The following PYGL variants were observed in gnomAD, a reference collection of about 807,000 sequenced individuals.
The protein encoded by PYGL is glycogen phosphorylase, liver form.
In PYGL, 90 loss-of-function variants were observed where a neutral mutation model predicts 100.1. The ratio of observed to expected loss-of-function variants is 0.90; its 90% CI spans 0.76 to 1.07. PYGL has a LOEUF of 1.07. Ranked by LOEUF, PYGL falls within the 50% of genes least tolerant of loss-of-function variation. The pLI is 0.00. For missense variants in PYGL, 1,016 were observed against 1,057.6 expected (o/e 0.96, Z 0.55); for synonymous variants, 373 against 393.0 (o/e 0.95, Z 0.60).
rs139224648 is a variant in PYGL, at chr14:50,910,896, T to C, written c.1970-794A>G. Among the ~76,000 whole-genome samples, 350 of 152,364 alleles carry C rather than the reference T, an allele frequency of 2.3e-3. 3 individuals are homozygous for C. The highest frequency in any genetic ancestry group is 7.9e-3 in the African/African-American group (329 of 41,580). On this transcript the variant is annotated intron_variant, in intron 16 of 19. Coordinates refer to ENST00000216392, the MANE Select transcript of PYGL (RefSeq NM_002863.5). ...CGCAAATTAGAGCTGCCTGAAGCAC[T>C]TCCTTTGACTACAAAGGTCAGGACC...
intron 5 of PYGL, 187 bp downstream of exon 5, chr14:50,923,782 T>A: frequency 1.6e-6 from 1 of 609,532 alleles, no homozygotes; most frequent in East Asian, 4.1e-5. Context: ...TGGCCTCAGC[T>A]CCTTTGTCTC....
At chr14:50,913,892 G>T (rs949804481) in intron 12 of PYGL, among the ~76,000 whole-genome samples, 2 of 151,898 alleles carry the variant, frequency 1.3e-5, no homozygotes, top group Non-Finnish European at 2.9e-5. Context: ...GTGGTGGTGG[G>T]GGTGGGTCTC....
At chr14:50,921,430 G>C (rs2050501435) in intron 5 of PYGL, 1 of 212,776 alleles carries the variant, frequency 4.7e-6, no homozygotes, top group South Asian at 7.0e-5. Context: ...GTCTCACTCT[G>C]TTGCCCAGGC....
chr14:50,913,724 C>T (rs1021852135), intron 12 of PYGL, among the ~76,000 whole-genome samples: 3 of 152,110 alleles, frequency 2.0e-5, no homozygotes, highest in African/African-American at 7.2e-5. Flanking sequence ...GGATCTCACC[C>T]TGTCACCCAG....
rs752372810 is a variant in PYGL, at chr14:50,944,355, G to A, written c.49C>T (p.Arg17Cys). The A allele has an allele frequency of 8.1e-6, 13 of 1,613,602 alleles. No individual in the cohort carries two copies. Among genetic ancestry groups the A allele is most frequent in the Non-Finnish European group, 1.1e-5 (13 of 1,179,854 alleles). ...DQEKRRQISI[R>C]GIVGVENVAE... ...ACGTTCTCCACGCCCACGATGCCGCGGATGCTGATCTGCCGCCGCTTCTCC... is the reference window on the plus strand; with the variant it reads ...ACGTTCTCCACGCCCACGATGCCGCAGATGCTGATCTGCCGCCGCTTCTCC... The change falls in exon 1 of 20, where the codon CGC (arginine) becomes TGC (cysteine). Residue 17 changes from arginine (R) to cysteine (C), a missense_variant. Arg to Cys is a radical substitution (Grantham distance 180). Transcript: ENST00000216392.
In PYGL at chr14:50,908,918, G is replaced by T. The variant is rs766875279; in HGVS notation, c.2215C>A (p.Leu739Met). ...AKEYYEALPE[L>M]KLVIDQIDNG... ...TCAATTTGATCAATGACCAGCTTCA[G>T]CTCTGGAAGTGCCTCATAGTATTCT... Residue 739 changes from leucine (L) to methionine (M), a missense_variant, in exon 18 of 20, where the codon CTG (leucine) becomes ATG (methionine). Coordinates refer to ENST00000216392, the MANE Select transcript of PYGL (RefSeq NM_002863.5). 58 of 1,602,298 alleles carry T rather than the reference G, an allele frequency of 3.6e-5. No individual in the cohort carries two copies. Among genetic ancestry groups the T allele is most frequent in the Non-Finnish European group, 4.3e-5 (50 of 1,169,840 alleles).
Position 50,905,425 on chromosome 14 carries a change from T to C in PYGL, c.2511A>G (p.Leu837=), listed in dbSNP as rs1245533269. The C allele has an allele frequency of 6.2e-7, 1 of 1,613,700 alleles. No homozygotes were observed. Among genetic ancestry groups the C allele is most frequent in the Admixed American group, 1.7e-5 (1 of 60,032 alleles). The change falls in exon 20 of 20, where the codon CTA becomes CTG. Residue 837 remains leucine, a synonymous_variant. Transcript: ENST00000216392. ...CATTGACTTTGTTAGATTCATTGGA[T>C]AGAGAAATCTTTAGATCTGAAGGTT... ...NVEPSDLKIS[L]SNESNKVNGN
chr14:50,906,216 C>G (rs1017171021), intron 19 of PYGL, among the ~76,000 whole-genome samples: 1 of 152,054 alleles, frequency 6.6e-6, no homozygotes, highest in Non-Finnish European at 1.5e-5. Context: ...ATTTTATAGC[C>G]TCTTAATTTT....
chr14:50,931,577 C>A (rs2050600953), intron 4 of PYGL, 96 bp downstream of exon 4: 3 of 1,133,390 alleles, frequency 2.6e-6, no homozygotes, highest in Admixed American at 3.7e-5. Context: ...GAAATTAGTA[C>A]AGCTCTATGT....
intron 4 of PYGL, among the ~76,000 whole-genome samples, chr14:50,924,483 A>G (rs1184570801): frequency 6.6e-6 from 1 of 152,190 alleles, no homozygotes; most frequent in African/African-American, 2.4e-5. Flanking sequence ...CTAAAGACAG[A>G]CGCCTTACAG....
chr14:50,933,391 T>C (rs994628368), intron 3 of PYGL, among the ~76,000 whole-genome samples: 2 of 152,228 alleles, frequency 1.3e-5, no homozygotes, highest in African/African-American at 2.4e-5. Flanking sequence ...GTGACTAATG[T>C]ACTAAGGATG....
chr14:50,919,013 A>G lies in PYGL; in HGVS notation c.855+1528T>C, dbSNP rs1236426273. Among the ~76,000 whole-genome samples, 12 of 152,082 alleles carry G rather than the reference A, an allele frequency of 7.9e-5. 2 individuals carry two copies. The highest frequency in any genetic ancestry group is 1.8e-4 in the Non-Finnish European group (12 of 68,024). ...GTTATTGTAATTACAGTATAAAAGG[A>G]TTTTTCAGCTTACTCTTAAAAACAA... is the stretch of plus-strand genomic sequence containing the variant. On this transcript the variant is annotated intron_variant, in intron 7 of 19. Transcript: ENST00000216392.
At position 50,908,930 on chromosome 14, in the gene PYGL, C is replaced by CTGAA. The variant is rs1355711390; in HGVS notation, c.2202_2203insTTCA (p.Ala735PhefsTer11). On this transcript the variant is annotated frameshift_variant, in exon 18 of 20. Coordinates refer to ENST00000216392, the MANE Select transcript of PYGL (RefSeq NM_002863.5). LOFTEE classifies it high-confidence loss of function. ...ATGACCAGCTTCAGCTCTGGAAGTG[C>CTGAA]CTCATAGTATTCTTTTGCCTCGTAC... is the stretch of plus-strand genomic sequence containing the variant. The CTGAA allele has an allele frequency of 5.0e-6, 8 of 1,606,246 alleles. No homozygotes were observed. Among genetic ancestry groups the CTGAA allele is most frequent in the Non-Finnish European group, 6.0e-6 (7 of 1,173,372 alleles).
Position 50,935,141 on chromosome 14 carries a change from A to G in PYGL, c.390T>C (p.Ala130=), listed in dbSNP as rs1318897871. The G allele has an allele frequency of 6.8e-6, 11 of 1,612,912 alleles. No homozygotes were observed. The highest frequency in any genetic ancestry group is 1.7e-5 in the Admixed American group (1 of 59,998). Residue 130 remains alanine (A), a synonymous_variant, in exon 3 of 20, where the codon GCT becomes GCC. Coordinates refer to ENST00000216392, the MANE Select transcript of PYGL (RefSeq NM_002863.5). ...IEELEEIEED[A]GLGNGGLGRL... The stretch of plus-strand genomic sequence containing the variant: ...TCCCAAGACCACCATTGCCAAGTCC[A>G]GCATCTTCTTCAATTTCTTCTAACT...
rs188387452 is a variant in PYGL at position 50,909,455 on chromosome 14, G to A, written c.2177+440C>T. ...GTTAATAAACCCATCCAGATATGAA[G>A]TGAAAATAAATGTTTCCAATTACTT... On this transcript the variant is annotated intron_variant, in intron 17 of 19. Coordinates refer to ENST00000216392, the MANE Select transcript of PYGL (RefSeq NM_002863.5). 5.3e-5 allele frequency among the ~76,000 whole-genome samples: 8 copies of A among 152,250 alleles called. No homozygotes were observed. In the East Asian group the frequency reaches 1.5e-3, roughly 29 times the overall value.
chr14:50,909,470 T>C (rs1487914812), intron 17 of PYGL, among the ~76,000 whole-genome samples: 2 of 152,224 alleles, frequency 1.3e-5, no homozygotes, highest in South Asian at 2.1e-4. Context: ...AATAAATGTT[T>C]CCAATTACTT....
chr14:50,920,616 A>G lies in PYGL; in HGVS notation c.780T>C (p.Val260=). The change falls in exon 7 of 20, where the codon GTT becomes GTC. Residue 260 remains valine, a synonymous_variant. Coordinates refer to ENST00000216392, the MANE Select transcript of PYGL (RefSeq NM_002863.5). ...CCAGCACAGCCTGAATGTAGTCTCC[A>G]ACATTAACTAGGGGAAAGTTAGAGA... ...PNDFNLRDFN[V]GDYIQAVLDR... The G allele has an allele frequency of 1.2e-6, 2 of 1,610,110 alleles. No individual in the cohort carries two copies. Among genetic ancestry groups the G allele is most frequent in the Non-Finnish European group, 1.7e-6 (2 of 1,176,344 alleles).
intron 5 of PYGL, chr14:50,921,330 T>A: frequency 2.1e-6 from 1 of 477,880 alleles, no homozygotes; most frequent in Non-Finnish European, 3.8e-6. Context: ...TGACTCTCCA[T>A]GTGCCCTTGC....
rs183736321 is a variant in PYGL, at chr14:50,938,195, A to G, written c.244-358T>C. Among the ~76,000 whole-genome samples, 235 of 152,306 alleles carry G rather than the reference A, an allele frequency of 1.5e-3. 2 individuals are homozygous for G. The highest frequency in any genetic ancestry group is 5.3e-3 in the African/African-American group (219 of 41,572). ...AAATTAGCATGGACTTAAGATATTT[A>G]AAAATATTTCAAAATCTTTTCTTTT... On this transcript the variant is annotated intron_variant, in intron 1 of 19. Coordinates refer to ENST00000216392, the MANE Select transcript of PYGL (RefSeq NM_002863.5).
Sources: allele counts gnomAD v4.1 joint callset (sites outside exome capture counted in the v4.1 genomes callset), GRCh38; gene constraint gnomAD v4.1.1; transcripts MANE v1.5; gene names NCBI Gene and HGNC (gene_info 2026-07-23, HGNC 2026-07-21).